MEI4: variants seen among roughly 807,000 people sequenced by gnomAD.
MEI4 encodes the protein meiotic double-stranded break formation protein 4.
Under a neutral mutation model 31.4 loss-of-function variants are expected in MEI4, and 27 were observed. The ratio of observed to expected loss-of-function variants is 0.86; its 90% CI spans 0.63 to 1.19. The LOEUF is 1.19. Among genes scored for constraint, MEI4 ranks in the 50% most tolerant of loss-of-function variants. The pLI, the probability that MEI4 is intolerant of heterozygous loss-of-function variation, is 0.00. For synonymous variants in MEI4, 122 were observed against 145.4 expected (o/e 0.84, Z 1.16); for missense variants, 329 against 398.9 (o/e 0.82, Z 1.49).
intron 3 of MEI4, among the ~76,000 whole-genome samples, chr6:77,785,821 A>G (rs1463648570): frequency 6.6e-6 from 1 of 152,096 alleles, no homozygotes; most frequent in Non-Finnish European, 1.5e-5. Context: ...TTTTTTTGCA[A>G]CTGTAGTTGG....
chr6:77,908,945 C>T (rs561698677), intron 4 of MEI4, among the ~76,000 whole-genome samples: 24 of 152,136 alleles, frequency 1.6e-4, no homozygotes, highest in East Asian at 1.5e-3. Flanking sequence ...GACAGAACAA[C>T]GAGACAGAAA....
At chr6:77,792,361 A>G (rs1380434123) in intron 3 of MEI4, among the ~76,000 whole-genome samples, 1 of 152,152 alleles carries the variant, frequency 6.6e-6, no homozygotes, top group African/African-American at 2.4e-5. Flanking sequence ...TTTCGGGGGA[A>G]CTTTTTTGGG....
intron 4 of MEI4, among the ~76,000 whole-genome samples, chr6:77,866,756 A>G (rs1392362356): frequency 6.6e-6 from 1 of 152,222 alleles, no homozygotes; most frequent in Admixed American, 6.5e-5. Flanking sequence ...AAGAGCCCAC[A>G]TTGCCAAGTC....
At chr6:77,855,402 A>G (rs1473220906) in intron 4 of MEI4, among the ~76,000 whole-genome samples, 8 of 152,150 alleles carry the variant, frequency 5.3e-5, no homozygotes, top group African/African-American at 1.9e-4. Flanking sequence ...TGGAAGATCT[A>G]TTACTTTAGT....
intron 3 of MEI4, among the ~76,000 whole-genome samples, chr6:77,766,145 C>T (rs1181215028): frequency 6.6e-6 from 1 of 152,136 alleles, no homozygotes; most frequent in East Asian, 1.9e-4. Context: ...GACCAATGAG[C>T]TTAGTAGGGA....
intron 4 of MEI4, among the ~76,000 whole-genome samples, chr6:77,830,917 C>T (rs756549310): frequency 1.7e-4 from 25 of 151,482 alleles, no homozygotes; most frequent in Non-Finnish European, 3.1e-4. Context: ...TATATCAAGG[C>T]AAAATGCTTC....
intron 4 of MEI4, among the ~76,000 whole-genome samples, chr6:77,842,948 A>G (rs374334256): frequency 2.0e-5 from 3 of 152,020 alleles, no homozygotes; most frequent in Admixed American, 6.6e-5. Context: ...CCCAACAAAG[A>G]AAACTCTAGA....
intron 3 of MEI4, among the ~76,000 whole-genome samples, chr6:77,783,701 A>G (rs1183866595): frequency 6.6e-6 from 1 of 152,092 alleles, no homozygotes; most frequent in Non-Finnish European, 1.5e-5. Flanking sequence ...AGCATTTTTT[A>G]TGAGAAAGAA....
rs146854984 is a variant in MEI4 at position 77,915,651 on chromosome 6, G to A, written c.901-7438G>A. On this transcript the variant is annotated intron_variant, in intron 4 of 4. Transcript: ENST00000684080. ...GTTGGGTGCATATGTGTTTAGAATT[G>A]TTATATCTTCTTTCTAATTGGTCCC... Among the ~76,000 whole-genome samples the A allele has an allele frequency of 1.4e-3, 213 of 151,980 alleles. 1 individual carries two copies. The highest frequency in any genetic ancestry group is 4.5e-3 in the African/African-American group (187 of 41,500).
intron 3 of MEI4, among the ~76,000 whole-genome samples, chr6:77,790,257 TGGGGGGA>T (rs1768881168): frequency 1.1e-5 from 1 of 90,672 alleles, no homozygotes; most frequent in Admixed American, 1.4e-4. Flanking sequence ...TGTTGTGGGG[TGGGGGGA>T]GGGGGGAGGG....
At chr6:77,690,124 G>A (rs970741380) in intron 1 of MEI4, among the ~76,000 whole-genome samples, 1 of 152,010 alleles carries the variant, frequency 6.6e-6, no homozygotes, top group Non-Finnish European at 1.5e-5. Context: ...ATATAGATTG[G>A]AGGGGGCTGG....
intron 4 of MEI4, among the ~76,000 whole-genome samples, chr6:77,907,053 T>C (rs921434704): frequency 5.9e-5 from 9 of 151,702 alleles, no homozygotes; most frequent in Admixed American, 5.3e-4. Context: ...TTTTAAGGTA[T>C]GGTTAAACTG....
At chr6:77,832,102 T>C (rs1351980324) in intron 4 of MEI4, among the ~76,000 whole-genome samples, 1 of 152,044 alleles carries the variant, frequency 6.6e-6, no homozygotes, top group Non-Finnish European at 1.5e-5. Context: ...CTGTGCATTC[T>C]ACTATGTGTA....
At chr6:77,795,950 C>A (rs1769063558) in intron 3 of MEI4, among the ~76,000 whole-genome samples, 2 of 152,072 alleles carry the variant, frequency 1.3e-5, no homozygotes, top group Admixed American at 6.6e-5. Context: ...AAGGACAGTA[C>A]AAGAAAAGGA....
chr6:77,675,199 T>G (rs1418988739), intron 1 of MEI4, among the ~76,000 whole-genome samples: 1 of 152,120 alleles, frequency 6.6e-6, no homozygotes, highest in Non-Finnish European at 1.5e-5. Context: ...TTGCTTGTTA[T>G]ATATTTTGCC....
chr6:77,791,605 G>A (rs1355191576), intron 3 of MEI4, among the ~76,000 whole-genome samples: 5 of 149,126 alleles, frequency 3.4e-5, no homozygotes, highest in East Asian at 4.0e-4. Flanking sequence ...TGGGTGCAGC[G>A]CACCAGCATG....
chr6:77,874,228 T>A lies in MEI4; in HGVS notation c.900+45166T>A, dbSNP rs1462943585. 7.2e-5 allele frequency among the ~76,000 whole-genome samples: 11 copies of A among 152,242 alleles called. No individual in the cohort carries two copies. The East Asian group carries it at 1.5e-3, about 21-fold the overall frequency. Reference sequence around the variant, plus strand: ...CCATTTTCACAATATTGATTCTTCCTACCCATGAGCATGGAATGTTCTTCC... The same window carrying A: ...CCATTTTCACAATATTGATTCTTCCAACCCATGAGCATGGAATGTTCTTCC... On this transcript the variant is annotated intron_variant, in intron 4 of 4. Transcript: ENST00000684080.
chr6:77,770,522 C>A (rs115596304), intron 3 of MEI4, among the ~76,000 whole-genome samples: 2,185 of 151,916 alleles, frequency 0.014, 55 homozygotes, highest in African/African-American at 0.05. Context: ...TTACACAGAA[C>A]CAAAAAAGAG....
intron 3 of MEI4, among the ~76,000 whole-genome samples, chr6:77,800,791 A>T (rs1189583680): frequency 6.6e-6 from 1 of 152,004 alleles, no homozygotes; most frequent in African/African-American, 2.4e-5. Context: ...TGCTGAATTA[A>T]GTTTATTGAT....
Sources: allele counts gnomAD v4.1 joint callset (sites outside exome capture counted in the v4.1 genomes callset), GRCh38; gene constraint gnomAD v4.1.1; transcripts MANE v1.5; gene names NCBI Gene and HGNC (gene_info 2026-07-23, HGNC 2026-07-21).